GAB1: variants seen among roughly 807,000 people sequenced by gnomAD.
GAB1 encodes GRB2 associated binding protein 1.
GAB1 carries 19 observed loss-of-function variants against 66.5 expected under a neutral mutation model. The observed-to-expected ratio is 0.29, with a 90% CI of 0.20 to 0.42. GAB1 has a LOEUF of 0.42. Ranked by LOEUF, GAB1 falls within the 10% of genes least tolerant of loss-of-function variation. GAB1 has a pLI of 1.00. For missense variants in GAB1, 732 were observed against 858.5 expected (o/e 0.85, Z 1.84); for synonymous variants, 294 against 301.4 (o/e 0.98, Z 0.25).
chr4:143,412,383 T>C (rs1732443933), intron 1 of GAB1, among the ~76,000 whole-genome samples: 1 of 152,180 alleles, frequency 6.6e-6, no homozygotes, highest in Non-Finnish European at 1.5e-5. Context: ...AAGCACTCTC[T>C]TCATTGTGGC....
In GAB1 at chr4:143,446,421, G is replaced by C. The variant is rs943526360; in HGVS notation, c.1585+6039G>C. Reference sequence around the variant, plus strand: ...TTACAGTCCCACCAACAGTGTAAAAGTGTTCCTATTTCTCCACATCCTCTC... The same window carrying C: ...TTACAGTCCCACCAACAGTGTAAAACTGTTCCTATTTCTCCACATCCTCTC... On this transcript the variant is annotated intron_variant, in intron 6 of 9. Transcript: ENST00000262994. 4.0e-3 allele frequency among the ~76,000 whole-genome samples: 601 copies of C among 151,846 alleles called. 5 individuals carry two copies. The highest frequency in any genetic ancestry group is 0.014 in the African/African-American group (576 of 41,464).
chr4:143,421,631 G>A (rs987818199), intron 2 of GAB1, among the ~76,000 whole-genome samples: 1 of 150,426 alleles, frequency 6.6e-6, no homozygotes, highest in Non-Finnish European at 1.5e-5. Flanking sequence ...GCATTTTCCT[G>A]AGAACCAATT....
intron 1 of GAB1, among the ~76,000 whole-genome samples, chr4:143,400,980 A>G (rs1257687999): frequency 6.6e-6 from 1 of 152,114 alleles, no homozygotes; most frequent in African/African-American, 2.4e-5. Flanking sequence ...AAAAAAAAAA[A>G]AAAAGTCATT....
At chr4:143,426,442 G>A (rs1362028780) in intron 2 of GAB1, among the ~76,000 whole-genome samples, 1 of 152,082 alleles carries the variant, frequency 6.6e-6, no homozygotes, top group Non-Finnish European at 1.5e-5. Flanking sequence ...CCCCAGCTAC[G>A]TAGGAGGGGA....
chr4:143,394,113 A>C (rs1731318500), intron 1 of GAB1, among the ~76,000 whole-genome samples: 1 of 152,132 alleles, frequency 6.6e-6, no homozygotes, highest in African/African-American at 2.4e-5. Context: ...CTCTATTAAA[A>C]ATACAAAAAA....
intron 1 of GAB1, among the ~76,000 whole-genome samples, chr4:143,348,593 GCCTCCT>G (rs1479789114): frequency 3.3e-5 from 5 of 152,216 alleles, no homozygotes; most frequent in African/African-American, 9.7e-5. Context: ...GCTGCTCTCT[GCCTCCT>G]CTTGGGCCCC....
In GAB1 at chr4:143,369,812, T is replaced by C. The variant is rs541100712; in HGVS notation, c.72+32552T>C. On this transcript the variant is annotated intron_variant, in intron 1 of 9. Coordinates refer to ENST00000262994, the MANE Select transcript of GAB1 (RefSeq NM_002039.4). ...TGTGCTGAGACATGAGACTCATACG[T>C]TGTGACCCGTGCCTATTGTATGTCT... Among the ~76,000 whole-genome samples, 41 of 152,324 alleles carry C rather than the reference T, an allele frequency of 2.7e-4. No homozygotes were observed. The South Asian group carries it at 8.5e-3, about 32-fold the overall frequency.
intron 6 of GAB1, among the ~76,000 whole-genome samples, chr4:143,442,352 GT>G (rs1403984303): frequency 1.3e-5 from 2 of 152,218 alleles, no homozygotes; most frequent in Non-Finnish European, 2.9e-5. Context: ...TTTGGGTGAG[GT>G]TACAAAGCTT....
intron 1 of GAB1, among the ~76,000 whole-genome samples, chr4:143,406,828 G>A (rs1017424230): frequency 2.6e-5 from 4 of 152,198 alleles, no homozygotes; most frequent in African/African-American, 4.8e-5. Flanking sequence ...AAGAAAGTTT[G>A]CAAAACCACC....
At chr4:143,342,793 C>T (rs1378455292) in intron 1 of GAB1, among the ~76,000 whole-genome samples, 1 of 151,558 alleles carries the variant, frequency 6.6e-6, no homozygotes, top group Non-Finnish European at 1.5e-5. Flanking sequence ...GAACTCCTGA[C>T]CTCAGGTGAT....
At chr4:143,458,193 G>A (rs1160083360) in intron 6 of GAB1, among the ~76,000 whole-genome samples, 1 of 152,076 alleles carries the variant, frequency 6.6e-6, no homozygotes, top group Non-Finnish European at 1.5e-5. Flanking sequence ...TAGCCTTTGG[G>A]TGTCAAAAAG....
intron 1 of GAB1, among the ~76,000 whole-genome samples, chr4:143,373,079 A>ACG (rs3049717): frequency 1.1e-4 from 17 of 149,290 alleles, no homozygotes; most frequent in African/African-American, 4.0e-4. Flanking sequence ...ACACACACAC[A>ACG]TCTGTGTTAC....
chr4:143,344,443 C>G (rs1030372708), intron 1 of GAB1, among the ~76,000 whole-genome samples: 2 of 152,184 alleles, frequency 1.3e-5, no homozygotes, highest in African/African-American at 4.8e-5. Flanking sequence ...TCTGTGACTC[C>G]TTTTATCTCA....
At chr4:143,353,964 G>C (rs1484124620) in intron 1 of GAB1, among the ~76,000 whole-genome samples, 1 of 152,112 alleles carries the variant, frequency 6.6e-6, no homozygotes, top group East Asian at 1.9e-4. Context: ...GATCATTATT[G>C]TTATTGTACG....
intron 1 of GAB1, among the ~76,000 whole-genome samples, chr4:143,399,435 A>C (rs537497331): frequency 6.6e-6 from 1 of 152,364 alleles, no homozygotes; most frequent in South Asian, 2.1e-4. Flanking sequence ...TTTGCAGTTC[A>C]AACTACAGGT....
chr4:143,373,598 G>A (rs967910939), intron 1 of GAB1, among the ~76,000 whole-genome samples: 3 of 152,114 alleles, frequency 2.0e-5, no homozygotes, highest in Non-Finnish European at 2.9e-5. Flanking sequence ...GGAGGCCAAG[G>A]TAGGCAGATC....
At chr4:143,382,682 CAG>C (rs1403470499) in intron 1 of GAB1, among the ~76,000 whole-genome samples, 3 of 152,034 alleles carry the variant, frequency 2.0e-5, no homozygotes, top group Non-Finnish European at 4.4e-5. Flanking sequence ...AAGAGACTGT[CAG>C]AGAAAGTCTG....
intron 2 of GAB1, among the ~76,000 whole-genome samples, chr4:143,418,030 C>T (rs1732790195): frequency 6.6e-6 from 1 of 152,238 alleles, no homozygotes; most frequent in African/African-American, 2.4e-5. Context: ...GCCGCTTCCT[C>T]TCTGGCCAGT....
chr4:143,343,877 G>A (rs1384158611), intron 1 of GAB1, among the ~76,000 whole-genome samples: 2 of 152,178 alleles, frequency 1.3e-5, no homozygotes, highest in Non-Finnish European at 1.5e-5. Flanking sequence ...CATGTGAGGA[G>A]TTTGGCTGTC....
Sources: allele counts gnomAD v4.1 joint callset (sites outside exome capture counted in the v4.1 genomes callset), GRCh38; gene constraint gnomAD v4.1.1; transcripts MANE v1.5; gene names NCBI Gene and HGNC (gene_info 2026-07-23, HGNC 2026-07-21).